PPFIA1: variants seen among roughly 807,000 people sequenced by gnomAD.
PPFIA1 encodes the protein PPFI scaffold protein A1.
Under a neutral mutation model 149.9 loss-of-function variants are expected in PPFIA1, and 25 were observed. The ratio of observed to expected loss-of-function variants is 0.17; its 90% CI spans 0.12 to 0.23. The LOEUF is 0.23. PPFIA1 is among the 10% of genes least tolerant of loss of function. PPFIA1 has a pLI of 1.00. For synonymous variants in PPFIA1, 549 were observed against 552.8 expected (o/e 0.99, Z 0.10); for missense variants, 1,362 against 1,506.5 (o/e 0.90, Z 1.59).
chr11:70,330,314 C>T lies in PPFIA1; in HGVS notation c.1072C>T (p.Arg358Ter). 2 of 1,574,914 alleles carry T rather than the reference C, an allele frequency of 1.3e-6. No individual in the cohort carries two copies. Among genetic ancestry groups the T allele is most frequent in the Non-Finnish European group, 1.7e-6 (2 of 1,164,940 alleles). ...AATTGCAAATAAAGATTCTATGCAT[C>T]GACAGGTAATGGATTTTATCGACCT... ...NEIANKDSMH[R>*]QTEDKNRQLQ... The change falls in exon 8 of 28, where the codon CGA becomes TGA. Residue 358 changes from arginine (R) to a stop codon, truncating the protein, a stop_gained. Coordinates refer to ENST00000253925, the MANE Select transcript of PPFIA1 (RefSeq NM_003626.5). LOFTEE classifies it high-confidence loss of function.
At position 70,343,834 on chromosome 11, in the gene PPFIA1, G is replaced by A. The variant is rs148292877; in HGVS notation, c.1873G>A (p.Ala625Thr). ...GCTATCGCCCAGCGGGCAGGCCGACGCGCACACACTAGCCATGATGCTTCA... is the reference window on the plus strand; with the variant it reads ...GCTATCGCCCAGCGGGCAGGCCGACACGCACACACTAGCCATGATGCTTCA... ...DLLSPSGQAD[A>T]HTLAMMLQEQ... The change falls in exon 15 of 28, where the codon GCG (alanine) becomes ACG (threonine). Residue 625 changes from alanine (A) to threonine (T), a missense_variant. This residue lies in a region of PPFIA1 where 733 missense variants were observed against 744.1 expected (regional missense o/e 0.99). Coordinates refer to ENST00000253925, the MANE Select transcript of PPFIA1 (RefSeq NM_003626.5). The A allele has an allele frequency of 5.1e-5, 82 of 1,613,968 alleles. 1 individual carries two copies. Among genetic ancestry groups the A allele is most frequent in the East Asian group, 4.7e-4 (21 of 44,884 alleles).
intron 7 of PPFIA1, among the ~76,000 whole-genome samples, chr11:70,328,505 G>C (rs1024120765): frequency 6.6e-6 from 1 of 152,026 alleles, no homozygotes; most frequent in Admixed American, 6.5e-5. Context: ...TTGATTCCTT[G>C]TCTTTGCTGT....
At chr11:70,327,080 G>A (rs549360042) in intron 7 of PPFIA1, 14 of 419,962 alleles carry the variant, frequency 3.3e-5, no homozygotes, top group Admixed American at 2.9e-4. Context: ...TGAAGTGGAC[G>A]CCACACTGGC....
intron 26 of PPFIA1, among the ~76,000 whole-genome samples, chr11:70,381,787 C>CT (rs2057724323): frequency 6.6e-6 from 1 of 152,230 alleles, no homozygotes; most frequent in South Asian, 2.1e-4. Context: ...AGGGATCACT[C>CT]TAAGTAGGGG....
At chr11:70,288,635 G>T (rs1291167654) in intron 2 of PPFIA1, among the ~76,000 whole-genome samples, 5 of 152,200 alleles carry the variant, frequency 3.3e-5, no homozygotes, top group South Asian at 2.1e-4. Context: ...ATATTCCTGT[G>T]TGAAGAAGAG....
chr11:70,367,563 T>C (rs1194309684), intron 21 of PPFIA1: 4 of 455,982 alleles, frequency 8.8e-6, no homozygotes, highest in Admixed American at 4.7e-5. Flanking sequence ...GTTCAGATGT[T>C]CTCTGGACTG....
chr11:70,288,082 T>G (rs569121454), intron 2 of PPFIA1, among the ~76,000 whole-genome samples: 101 of 151,858 alleles, frequency 6.7e-4, no homozygotes, highest in Middle Eastern at 3.4e-3. Flanking sequence ...TTTTTTTTTT[T>G]TTTCTTTTTT....
Position 70,325,515 on chromosome 11 carries a change from C to T in PPFIA1, c.547C>T (p.Arg183Ter). The T allele has an allele frequency of 6.3e-7, 1 of 1,590,328 alleles. No homozygotes were observed. The highest frequency in any genetic ancestry group is 8.6e-7 in the Non-Finnish European group (1 of 1,158,802). Reference sequence around the variant, plus strand: ...TTATTTTCAGGTGAGAGAGCGATTACGAGTAGCACTTGAAAGATGTAGTTT... The same window carrying T: ...TTATTTTCAGGTGAGAGAGCGATTATGAGTAGCACTTGAAAGATGTAGTTT... ...ALDEKVRERL[R>*]VALERCSLLE... Residue 183 changes from arginine to a stop codon, truncating the protein, a stop_gained, in exon 5 of 28, where the codon CGA (arginine) becomes TGA (stop). Transcript: ENST00000253925. LOFTEE classifies it high-confidence loss of function.
At chr11:70,332,121 C>A in intron 9 of PPFIA1, 27 bp downstream of exon 9, 1 of 1,562,796 alleles carries the variant, frequency 6.4e-7, no homozygotes, top group South Asian at 1.2e-5. Context: ...CATTCTGGTT[C>A]GGCTGCCAGG....
chr11:70,355,467 A>G (rs1294623095), intron 17 of PPFIA1, among the ~76,000 whole-genome samples, 172 bp from the exon 18 acceptor site: 1 of 152,090 alleles, frequency 6.6e-6, no homozygotes, highest in East Asian at 1.9e-4. Flanking sequence ...GCTGCCCAGA[A>G]TGGGTCTCCG....
intron 2 of PPFIA1, among the ~76,000 whole-genome samples, chr11:70,272,918 A>G (rs539815212): frequency 4.6e-5 from 7 of 152,316 alleles, no homozygotes; most frequent in African/African-American, 1.4e-4. Flanking sequence ...TGTAAGTCAC[A>G]TTTGTTTTAG....
At chr11:70,347,124 A>G (rs1213477818) in intron 15 of PPFIA1, among the ~76,000 whole-genome samples, 1 of 152,132 alleles carries the variant, frequency 6.6e-6, no homozygotes, top group East Asian at 1.9e-4. Context: ...GGAAACTCCT[A>G]ATTGTTTTGT....
intron 11 of PPFIA1, among the ~76,000 whole-genome samples, chr11:70,337,135 A>G (rs1359620006): frequency 2.0e-5 from 3 of 152,234 alleles, no homozygotes; most frequent in East Asian, 3.8e-4. Context: ...AACTTGACAT[A>G]CCTACCTTTA....
At chr11:70,349,874 T>G (rs543666338) in intron 16 of PPFIA1, 4 of 455,478 alleles carry the variant, frequency 8.8e-6, no homozygotes, top group Middle Eastern at 3.3e-4. Flanking sequence ...TCTCTATGCT[T>G]CCGTCATTGG....
At chr11:70,348,825 T>G in intron 16 of PPFIA1, among the ~76,000 whole-genome samples, 1 of 152,062 alleles carries the variant, frequency 6.6e-6, no homozygotes. Context: ...GAGCCATGAT[T>G]GCATCACTGC....
At chr11:70,271,798 C>G (rs1436987265) in intron 1 of PPFIA1, 1 of 148,730 alleles carries the variant, frequency 6.7e-6, no homozygotes, top group Admixed American at 6.8e-5. Context: ...CTTTCTCCCC[C>G]CCTACCCCCC....
chr11:70,382,297 G>C (rs1016097597), intron 27 of PPFIA1, 139 bp downstream of exon 27: 1 of 569,858 alleles, frequency 1.8e-6, no homozygotes, highest in Non-Finnish European at 3.2e-6. Flanking sequence ...ATAGACACAA[G>C]CTCTCCGTAC....
chr11:70,312,062 C>G (rs987252110), intron 2 of PPFIA1, among the ~76,000 whole-genome samples: 2 of 151,598 alleles, frequency 1.3e-5, no homozygotes, highest in African/African-American at 4.8e-5. Flanking sequence ...CCAGGCTGCT[C>G]GAACTCCTGG....
intron 23 of PPFIA1, 28 bp from the exon 24 acceptor site, chr11:70,374,890 T>G (rs1338095203): frequency 6.2e-7 from 1 of 1,605,208 alleles, no homozygotes; most frequent in Non-Finnish European, 8.5e-7. Context: ...CTGAAGCCAC[T>G]TTTATAATTG....
Sources: gnomAD v4.1 joint callset for allele counts (sites outside exome capture counted in the v4.1 genomes callset) on GRCh38, gnomAD v4.1.1 for gene constraint, gnomAD v4.1.1 regional missense constraint, MANE v1.5 for transcripts, NCBI Gene and HGNC (gene_info 2026-07-23, HGNC 2026-07-21) for gene names.